The following ATG9A variants were observed in gnomAD, a reference collection of about 807,000 sequenced individuals.
ATG9A encodes autophagy-related protein 9A.
A neutral mutation model predicts 87.1 loss-of-function variants in ATG9A; 21 were observed. That is an observed-to-expected ratio of 0.24 (90% confidence interval 0.17 to 0.35). The LOEUF (loss-of-function observed/expected upper bound fraction) is 0.35. Among genes scored for constraint, ATG9A ranks in the 10% least tolerant of loss-of-function variants. The pLI, the probability that ATG9A is intolerant of heterozygous loss-of-function variation, is 1.00. For missense variants in ATG9A, 836 were observed against 1,107.3 expected (o/e 0.76, Z 3.48); for synonymous variants, 422 against 441.3 (o/e 0.96, Z 0.55).
intron 5 of ATG9A, among the ~76,000 whole-genome samples, chr2:219,226,209 G>A (rs1950857177): frequency 6.6e-6 from 1 of 152,018 alleles, no homozygotes; most frequent in African/African-American, 2.4e-5. Flanking sequence ...CTCCCAGGTT[G>A]AAGCGATTCT....
rs1441312756 is a variant in ATG9A at position 219,224,765 on chromosome 2, C to G, written c.606G>C (p.Glu202Asp). The G allele has an allele frequency of 1.2e-6, 2 of 1,614,226 alleles. No individual in the cohort carries two copies. Among genetic ancestry groups the G allele is most frequent in the Admixed American group, 3.3e-5 (2 of 60,032 alleles). The change falls in exon 8 of 16, where the codon GAG becomes GAC. Residue 202 changes from glutamate to aspartate, a missense_variant. Around this residue, in one of 2 missense-constraint regions of ATG9A, gnomAD observed 512 missense variants for 759.6 expected, o/e 0.67. Coordinates refer to ENST00000361242, the MANE Select transcript of ATG9A (RefSeq NM_001077198.3). The surrounding 1 kb of genome is among the most constrained non-coding windows in gnomAD (Gnocchi z 7.7). Reference sequence around the variant, plus strand: ...GGTGGTAGATGTCCAGTTCTGTCAGCTCACGTTTGTGGATGCAGATCTGGT... The same window carrying G: ...GGTGGTAGATGTCCAGTTCTGTCAGGTCACGTTTGTGGATGCAGATCTGGT... The part of the protein sequence containing the change: ...KEHQICIHKR[E>D]LTELDIYHRI...
In ATG9A at chr2:219,222,022, C is replaced by A; in HGVS notation, c.2145+28G>T. 1 of 1,600,374 alleles carries A rather than the reference C, an allele frequency of 6.2e-7. No homozygotes were observed. The highest frequency in any genetic ancestry group is 8.5e-7 in the Non-Finnish European group (1 of 1,170,616). The stretch of plus-strand genomic sequence containing the variant: ...TCTTGCTTCTCCGCATCTAAACCCT[C>A]TACTCTCTTTTTTAGCTGTGCACTC... On this transcript the variant is annotated intron_variant, in intron 13 of 15. Coordinates refer to ENST00000361242, the MANE Select transcript of ATG9A (RefSeq NM_001077198.3). This position sits in a 1 kb window ranked among gnomAD's most constrained non-coding sequence, Gnocchi z 4.3.
At chr2:219,226,813 G>C (rs1370837469) in intron 5 of ATG9A, 56 bp downstream of exon 5, 2 of 1,517,814 alleles carry the variant, frequency 1.3e-6, no homozygotes, top group Non-Finnish European at 1.8e-6. Context: ...AGTGCAAGGA[G>C]AGGAAAGACT....
rs1198880754 is a variant in ATG9A, at chr2:219,224,077, G to T, written c.1265+29C>A. On this transcript the variant is annotated intron_variant, in intron 8 of 15. Transcript: ENST00000361242. This position sits in a 1 kb window ranked among gnomAD's most constrained non-coding sequence, Gnocchi z 7.7. Reference sequence around the variant, plus strand: ...ATGCCTTTCCCAGGAATGCTAGCCGGCTTGCTCCCGCCTGTGGCCCTGGCC... The same window carrying T: ...ATGCCTTTCCCAGGAATGCTAGCCGTCTTGCTCCCGCCTGTGGCCCTGGCC... The T allele has an allele frequency of 1.2e-6, 2 of 1,608,002 alleles. No homozygotes were observed. Among genetic ancestry groups the T allele is most frequent in the Admixed American group, 3.3e-5 (2 of 59,762 alleles).
At position 219,223,528 on chromosome 2, in the gene ATG9A, A is replaced by C; in HGVS notation, c.1599+57T>G. The C allele has an allele frequency of 6.6e-7, 1 of 1,523,618 alleles. No homozygotes were observed. Among genetic ancestry groups the C allele is most frequent in the Non-Finnish European group, 8.8e-7 (1 of 1,134,946 alleles). 94.4% of individuals were successfully genotyped at this position (1,523,618 alleles called of 1,614,324 possible). On this transcript the variant is annotated intron_variant, in intron 10 of 15. Transcript: ENST00000361242. This position sits in a 1 kb window ranked among gnomAD's most constrained non-coding sequence, Gnocchi z 4.7. ...AGGTGTCTTTTTGCGGTTTTCCCAA[A>C]GACACTGTATGTTCCAGCATCATCC...
Position 219,227,814 on chromosome 2 carries a change from C to T in ATG9A, c.104-1G>A, listed in dbSNP as rs1431642602. ...AGGTTTTCAATATGGTGCCAAGGTG[C>T]TGTGGGATAGGAACAGAGATGTCAG... On this transcript the variant is annotated splice_acceptor_variant, in intron 3 of 15. Coordinates refer to ENST00000361242, the MANE Select transcript of ATG9A (RefSeq NM_001077198.3). LOFTEE classifies it high-confidence loss of function. 1 of 1,614,102 alleles carries T rather than the reference C, an allele frequency of 6.2e-7. No individual in the cohort carries two copies.
rs1434573380 is a variant in ATG9A at position 219,224,858 on chromosome 2, CG to C, written c.517-5del. On this transcript the variant is annotated splice_region_variant and splice_polypyrimidine_tract_variant and intron_variant, in intron 7 of 15. Coordinates refer to ENST00000361242, the MANE Select transcript of ATG9A (RefSeq NM_001077198.3). The surrounding 1 kb of genome is among the most constrained non-coding windows in gnomAD (Gnocchi z 7.7). Reference sequence around the variant, plus strand: ...ACGTGCAATACGGAAGGGCAGACTGCGGGGTGGGGTGGGGAAGAGACAAGGT... The same window carrying C: ...ACGTGCAATACGGAAGGGCAGACTGCGGGTGGGGTGGGGAAGAGACAAGGT... 1 of 1,516,708 alleles carries C rather than the reference CG, an allele frequency of 6.6e-7. No individual in the cohort carries two copies. Among genetic ancestry groups the C allele is most frequent in the Admixed American group, 2.0e-5 (1 of 49,250 alleles). The allele number at this position is 1,516,708 out of a possible 1,614,324, so 94.0% of individuals were successfully genotyped here.
Position 219,223,433 on chromosome 2 carries a change from G to A in ATG9A, c.1599+152C>T. On this transcript the variant is annotated intron_variant, in intron 10 of 15. Transcript: ENST00000361242. The surrounding 1 kb of genome is among the most constrained non-coding windows in gnomAD (Gnocchi z 4.7). ...GAGCTTGGCCAAGGGTGCGAATTAG[G>A]GCTGAAATCCAGCCCAGGCTCCCAA... is the stretch of plus-strand genomic sequence containing the variant. 3 of 999,416 alleles carry A rather than the reference G, an allele frequency of 3.0e-6. No individual in the cohort carries two copies. Among genetic ancestry groups the A allele is most frequent in the Non-Finnish European group, 2.8e-6 (2 of 711,502 alleles). The allele number at this position is 999,416 out of a possible 1,614,324, so 61.9% of individuals were successfully genotyped here. A position where few individuals can be genotyped will look rare whatever the true frequency, so the allele number is the denominator to read the frequency against.
chr2:219,224,746 A>G lies in ATG9A; in HGVS notation c.625T>C (p.Tyr209His). Reference sequence around the variant, plus strand: ...TTCTGGAAACGGAGGATGCGGTGGTAGATGTCCAGTTCTGTCAGCTCACGT... The same window carrying G: ...TTCTGGAAACGGAGGATGCGGTGGTGGATGTCCAGTTCTGTCAGCTCACGT... ...HKRELTELDI[Y>H]HRILRFQNYM... The change falls in exon 8 of 16, where the codon TAC becomes CAC. Residue 209 changes from tyrosine to histidine, a missense_variant. Around this residue, in one of 2 missense-constraint regions of ATG9A, gnomAD observed 512 missense variants for 759.6 expected, o/e 0.67. Coordinates refer to ENST00000361242, the MANE Select transcript of ATG9A (RefSeq NM_001077198.3). This position sits in a 1 kb window ranked among gnomAD's most constrained non-coding sequence, Gnocchi z 7.7. The G allele has an allele frequency of 6.2e-7, 1 of 1,614,206 alleles. No homozygotes were observed. Among genetic ancestry groups the G allele is most frequent in the South Asian group, 1.1e-5 (1 of 91,086 alleles).
rs1203110711 is a variant in ATG9A, at chr2:219,222,882, A to T, written c.1611T>A (p.Ala537=). ...RQHGHPQWLS[A]GQTEASVYQQ... ...GGTACACTGAGGCCTCTGTCTGCCC[A>T]GCAGATAGCCACTGCACAAGGAAGA... The change falls in exon 11 of 16, where the codon GCT becomes GCA. Residue 537 remains alanine (A), a synonymous_variant. Transcript: ENST00000361242. The surrounding 1 kb of genome is among the most constrained non-coding windows in gnomAD (Gnocchi z 4.3). 1 of 1,614,028 alleles carries T rather than the reference A, an allele frequency of 6.2e-7. No individual in the cohort carries two copies. The highest frequency in any genetic ancestry group is 1.1e-5 in the South Asian group (1 of 91,072).
Position 219,222,463 on chromosome 2 carries a change from C to G in ATG9A, c.1849-13G>C, listed in dbSNP as rs374047281. 12 of 1,547,272 alleles carry G rather than the reference C, an allele frequency of 7.8e-6. No homozygotes were observed. In the South Asian group the frequency reaches 1.5e-4, roughly 19 times the overall value. ...TAAGGCTCAGGGGCTATGAACGAAA[C>G]GGGTAGGTAGAATTCTTGAGGCAAG... On this transcript the variant is annotated splice_polypyrimidine_tract_variant and intron_variant, in intron 11 of 15. Transcript: ENST00000361242. The surrounding 1 kb of genome is among the most constrained non-coding windows in gnomAD (Gnocchi z 4.3).
Position 219,220,397 on chromosome 2 carries a change from G to C in ATG9A, c.*50C>G. The C allele has an allele frequency of 6.2e-7, 1 of 1,607,828 alleles. No individual in the cohort carries two copies. The highest frequency in any genetic ancestry group is 8.5e-7 in the Non-Finnish European group (1 of 1,175,136). On this transcript the variant is annotated 3_prime_UTR_variant, in exon 16 of 16. Transcript: ENST00000361242. ...CCCATGGCAGGCAGACGGGATGGCA[G>C]GGCAGCGGTGGCCTCCATCCTGGGC...
chr2:219,222,676 G>A lies in ATG9A; in HGVS notation c.1817C>T (p.Thr606Met), dbSNP rs760171717. 2.1e-5 allele frequency: 34 copies of A among 1,614,080 alleles called. No homozygotes were observed. Among genetic ancestry groups the A allele is most frequent in the African/African-American group, 6.7e-5 (5 of 74,940 alleles). Residue 606 changes from threonine to methionine, a missense_variant, in exon 11 of 16, where the codon ACG (threonine) becomes ATG (methionine). Physicochemically the swap from Thr to Met is moderately conservative, Grantham distance 81. Transcript: ENST00000361242. This position sits in a 1 kb window ranked among gnomAD's most constrained non-coding sequence, Gnocchi z 4.3. ...GGLLPENALF[T>M]SIQSLQSESE... ...CTCAGATTGTAAGGACTGGATAGAC[G>A]TAAAGAGGGCATTTTCAGGGAGCAG... is the stretch of plus-strand genomic sequence containing the variant.
In ATG9A at chr2:219,222,203, ACTT is replaced by A. The variant is rs1325698894; in HGVS notation, c.2028-39_2028-37del. 1 of 1,613,110 alleles carries A rather than the reference ACTT, an allele frequency of 6.2e-7. No individual in the cohort carries two copies. The highest frequency in any genetic ancestry group is 1.3e-5 in the African/African-American group (1 of 74,878). On this transcript the variant is annotated intron_variant, in intron 12 of 15. Transcript: ENST00000361242. The surrounding 1 kb of genome is among the most constrained non-coding windows in gnomAD (Gnocchi z 4.3). The stretch of plus-strand genomic sequence containing the variant: ...CAACAGAGACAGACAGCAGCTGTGA[ACTT>A]CTCTGAGACCCACACAAGCTGCTGA...
Position 219,224,319 on chromosome 2 carries a change from T to A in ATG9A, c.1052A>T (p.Gln351Leu). Residue 351 changes from glutamine (Q) to leucine (L), a missense_variant, in exon 8 of 16, where the codon CAG (glutamine) becomes CTG (leucine). Coordinates refer to ENST00000361242, the MANE Select transcript of ATG9A (RefSeq NM_001077198.3). The surrounding 1 kb of genome is among the most constrained non-coding windows in gnomAD (Gnocchi z 7.7). The stretch of plus-strand genomic sequence containing the variant: ...CTTGTAGCCACGGTTGAGGCGGGAC[T>A]GCAGCTCGTGCTCCAGCTCGTTGAA... ...RHFNELEHEL[Q>L]SRLNRGYKPA... 6.2e-7 allele frequency: 1 copy of A among 1,613,660 alleles called. No homozygotes were observed. Among genetic ancestry groups the A allele is most frequent in the African/African-American group, 1.3e-5 (1 of 75,062 alleles).
Position 219,224,089 on chromosome 2 carries a change from C to T in ATG9A, c.1265+17G>A, listed in dbSNP as rs1378093410. The T allele has an allele frequency of 3.1e-6, 5 of 1,610,194 alleles. No homozygotes were observed. The highest frequency in any genetic ancestry group is 4.2e-6 in the Non-Finnish European group (5 of 1,177,476). ...GGAATGCTAGCCGGCTTGCTCCCGC[C>T]TGTGGCCCTGGCCCACCTGCACACG... is the stretch of plus-strand genomic sequence containing the variant. On this transcript the variant is annotated intron_variant, in intron 8 of 15. Transcript: ENST00000361242. This position sits in a 1 kb window ranked among gnomAD's most constrained non-coding sequence, Gnocchi z 7.7.
At position 219,222,913 on chromosome 2, in the gene ATG9A, G is replaced by A; in HGVS notation, c.1600-20C>T. The A allele has an allele frequency of 6.2e-7, 1 of 1,613,344 alleles. No individual in the cohort carries two copies. Among genetic ancestry groups the A allele is most frequent in the Non-Finnish European group, 8.5e-7 (1 of 1,179,812 alleles). ...TAGCCACTGCACAAGGAAGAGCAGA[G>A]TAAGCAGGGCTGTTCTCTTCCAGGA... On this transcript the variant is annotated intron_variant, in intron 10 of 15. Transcript: ENST00000361242. The surrounding 1 kb of genome is among the most constrained non-coding windows in gnomAD (Gnocchi z 4.3).
chr2:219,229,038 A>T lies in ATG9A; in HGVS notation c.-82+497T>A, dbSNP rs1410226125. 1 of 152,154 alleles carries T rather than the reference A, an allele frequency of 6.6e-6. No homozygotes were observed. The highest frequency in any genetic ancestry group is 1.5e-5 in the Non-Finnish European group (1 of 68,066). The allele number at this position is 152,154 out of a possible 1,614,324, so 9.4% of individuals were successfully genotyped here. ...TCCGTGCAGCCCCTGGGGGCCGTGG[A>T]TCTTGGCCCAGCCTGGCCCCGGTGG... On this transcript the variant is annotated intron_variant, in intron 1 of 15. Coordinates refer to ENST00000361242, the MANE Select transcript of ATG9A (RefSeq NM_001077198.3). This position sits in a 1 kb window ranked among gnomAD's most constrained non-coding sequence, Gnocchi z 4.2.
Position 219,220,739 on chromosome 2 carries a change from G to A in ATG9A, c.2514+8C>T, listed in dbSNP as rs755427732. 6 of 1,611,490 alleles carry A rather than the reference G, an allele frequency of 3.7e-6. No individual in the cohort carries two copies. Among genetic ancestry groups the A allele is most frequent in the Middle Eastern group, 1.7e-4 (1 of 6,010 alleles). ...CTGGCAGTTTTTCCTAGGCCCCGGG[G>A]CCCTTACCTTGTGCACCTGAGGGGG... is the stretch of plus-strand genomic sequence containing the variant. On this transcript the variant is annotated splice_region_variant and intron_variant, in intron 15 of 15. Transcript: ENST00000361242.
Sources: gnomAD v4.1 joint callset for allele counts (sites outside exome capture counted in the v4.1 genomes callset) on GRCh38, gnomAD v4.1.1 for gene constraint, gnomAD v4.1.1 regional missense constraint, Gnocchi (gnomAD v3.1) non-coding constraint, MANE v1.5 for transcripts, NCBI Gene and HGNC (gene_info 2026-07-23, HGNC 2026-07-21) for gene names.